Variants in TMED4 observed in about 807,000 individuals in gnomAD.
TMED4 encodes transmembrane emp24 domain-containing protein 4.
Under a neutral mutation model 26.5 loss-of-function variants are expected in TMED4, and 19 were observed. The ratio of observed to expected loss-of-function variants is 0.72; its 90% CI spans 0.50 to 1.05. The LOEUF (loss-of-function observed/expected upper bound fraction) is 1.05, where lower values mean the gene tolerates loss of function less well. Ranked by LOEUF, TMED4 falls within the 50% of genes least tolerant of loss-of-function variation. TMED4 has a pLI of 0.00. For missense variants in TMED4, 303 were observed against 302.5 expected, an observed-to-expected ratio of 1.00 and a Z score of -0.01; for synonymous variants, 121 against 119.8, an observed-to-expected ratio of 1.01 and a Z score of -0.07.
rs917167617 is a variant in TMED4 at position 44,578,065 on chromosome 7, C to G, written c.*1414G>C. 1.1e-4 allele frequency: 16 copies of G among 152,250 alleles called. No homozygotes were observed. The highest frequency in any genetic ancestry group is 3.6e-4 in the African/African-American group (15 of 41,552). The allele number at this position is 152,250 out of a possible 1,614,324, so 9.4% of individuals were successfully genotyped here. A position where few individuals can be genotyped will look rare whatever the true frequency, so the allele number is the denominator to read the frequency against. ...TATGACTGAGAGGGCTAAGAAGGTACTTAATTTCCTCAGATGATACTTTGC... is the reference window on the plus strand; with the variant it reads ...TATGACTGAGAGGGCTAAGAAGGTAGTTAATTTCCTCAGATGATACTTTGC... On this transcript the variant is annotated 3_prime_UTR_variant, in exon 5 of 5. Coordinates refer to ENST00000457408, the MANE Select transcript of TMED4 (RefSeq NM_182547.4).
rs1458137233 is a variant in TMED4 at position 44,581,094 on chromosome 7, C to G, written c.533G>C (p.Arg178Thr). ...EQIQKEQDYQ[R>T]YREERFRLTS... ...AATTACAAGGAGATATGCACTTGCC[C>G]TTTGGTAATCCTGCTCCTTCTGAAT... Residue 178 changes from arginine to threonine, a missense_variant and splice_region_variant, in exon 4 of 5, where the codon AGG becomes ACG. Physicochemically the swap from Arg to Thr is moderately conservative, Grantham distance 71. Transcript: ENST00000457408. The G allele has an allele frequency of 1.2e-6, 2 of 1,614,038 alleles. No homozygotes were observed. Among genetic ancestry groups the G allele is most frequent in the Non-Finnish European group, 1.7e-6 (2 of 1,180,038 alleles).
At chr7:44,580,492 A>G (rs999667843) in intron 4 of TMED4, 3 of 152,494 alleles carry the variant, frequency 2.0e-5, no homozygotes, top group South Asian at 2.0e-4. Context: ...ACAAAACAAA[A>G]TAAGTACAGA....
rs918995792 is a variant in TMED4 at position 44,579,155 on chromosome 7, G to A, written c.*324C>T. On this transcript the variant is annotated 3_prime_UTR_variant, in exon 5 of 5. Coordinates refer to ENST00000457408, the MANE Select transcript of TMED4 (RefSeq NM_182547.4). ...TACTGCGTAAGTGGACAAAGAGAAA[G>A]CAGAAGGTAATGGAGAGAGTTTTCA... 3.3e-4 allele frequency: 71 copies of A among 215,556 alleles called. No individual in the cohort carries two copies. The highest frequency in any genetic ancestry group is 1.6e-3 in the African/African-American group (68 of 43,558). The allele number at this position is 215,556 out of a possible 1,614,324, so 13.4% of individuals were successfully genotyped here.
At chr7:44,579,753 T>C in intron 4 of TMED4, 125 bp from the exon 5 acceptor site, 1 of 997,718 alleles carries the variant, frequency 1.0e-6, no homozygotes, top group South Asian at 1.7e-5. Context: ...TGTGACTCCA[T>C]TAGGAGTGCT....
In TMED4 at chr7:44,582,213, T is replaced by C. The variant is rs1803032295; in HGVS notation, c.-7A>G. 4.5e-6 allele frequency: 7 copies of C among 1,539,962 alleles called. No homozygotes were observed. The East Asian group carries it at 7.3e-5, about 16-fold the overall frequency. On this transcript the variant is annotated 5_prime_UTR_variant, in exon 1 of 5. Transcript: ENST00000457408. ...CAGCCCCGACACCTGCCATCGCGCC[T>C]CAGCCCCTAAGCGCCTGCGCACATT...
Position 44,581,571 on chromosome 7 carries a change from C to A in TMED4, c.265G>T (p.Val89Leu), listed in dbSNP as rs1002023198. 1 of 1,614,070 alleles carries A rather than the reference C, an allele frequency of 6.2e-7. No individual in the cohort carries two copies. The highest frequency in any genetic ancestry group is 1.1e-5 in the South Asian group (1 of 91,094). ...VEVKDPDGKV[V>L]LSRQYGSEGR... Reference sequence around the variant, plus strand: ...TCCGAGCCGTACTGCCGGGACAGCACCACCTGCAACATATGTGAGTGAAGG... The same window carrying A: ...TCCGAGCCGTACTGCCGGGACAGCAACACCTGCAACATATGTGAGTGAAGG... The change falls in exon 3 of 5, where the codon GTG becomes TTG. Residue 89 changes from valine (V) to leucine (L), a missense_variant. Coordinates refer to ENST00000457408, the MANE Select transcript of TMED4 (RefSeq NM_182547.4).
rs1228644690 is a variant in TMED4, at chr7:44,582,210, G to A, written c.-4C>T. On this transcript the variant is annotated 5_prime_UTR_variant, in exon 1 of 5. Coordinates refer to ENST00000457408, the MANE Select transcript of TMED4 (RefSeq NM_182547.4). The stretch of plus-strand genomic sequence containing the variant: ...GCCCAGCCCCGACACCTGCCATCGC[G>A]CCTCAGCCCCTAAGCGCCTGCGCAC... The A allele has an allele frequency of 6.5e-6, 10 of 1,540,368 alleles. No individual in the cohort carries two copies. The highest frequency in any genetic ancestry group is 8.7e-6 in the Non-Finnish European group (10 of 1,145,368).
At position 44,578,908 on chromosome 7, in the gene TMED4, A is replaced by G. The variant is rs1049254491; in HGVS notation, c.*571T>C. 6.6e-6 allele frequency: 1 copy of G among 151,372 alleles called. No individual in the cohort carries two copies. Among genetic ancestry groups the G allele is most frequent in the Non-Finnish European group, 1.5e-5 (1 of 67,876 alleles). The allele number at this position is 151,372 out of a possible 1,614,324, so 9.4% of individuals were successfully genotyped here. A position where few individuals can be genotyped will look rare whatever the true frequency, so the allele number is the denominator to read the frequency against. On this transcript the variant is annotated 3_prime_UTR_variant, in exon 5 of 5. Coordinates refer to ENST00000457408, the MANE Select transcript of TMED4 (RefSeq NM_182547.4). ...AAAGGAAAAACAAAACCCAGAATGC[A>G]GAAACTGCATTGGTATTTTGAGCTA...
chr7:44,579,598 C>T lies in TMED4; in HGVS notation c.565G>A (p.Glu189Lys), dbSNP rs766206194. 1.9e-6 allele frequency: 3 copies of T among 1,614,048 alleles called. No individual in the cohort carries two copies. The highest frequency in any genetic ancestry group is 1.7e-5 in the Admixed American group (1 of 60,018). The change falls in exon 5 of 5, where the codon GAG becomes AAG. Residue 189 changes from glutamate to lysine, a missense_variant. Coordinates refer to ENST00000457408, the MANE Select transcript of TMED4 (RefSeq NM_182547.4). ...CATAGGACCCTCTGGTTGGTGCTCT[C>T]GCTCGTCAGTCGGAAGCGCTCTTCA... Reference protein sequence around the residue: ...YREERFRLTSESTNQRVLWWS... With the variant: ...YREERFRLTSKSTNQRVLWWS...
Position 44,578,008 on chromosome 7 carries a change from A to G in TMED4, c.*1471T>C, listed in dbSNP as rs1802866488. 1 of 152,204 alleles carries G rather than the reference A, an allele frequency of 6.6e-6. No individual in the cohort carries two copies. Among genetic ancestry groups the G allele is most frequent in the Non-Finnish European group, 1.5e-5 (1 of 68,042 alleles). 9.4% of individuals were successfully genotyped at this position (152,204 alleles called of 1,614,324 possible). On this transcript the variant is annotated 3_prime_UTR_variant, in exon 5 of 5. Transcript: ENST00000457408. Reference sequence around the variant, plus strand: ...GGTATTAAGTTTTATATAGAAGGGCATGAGGGAAGTGTATTAAAATTTGTT... The same window carrying G: ...GGTATTAAGTTTTATATAGAAGGGCGTGAGGGAAGTGTATTAAAATTTGTT...
At position 44,579,474 on chromosome 7, in the gene TMED4, G is replaced by A; in HGVS notation, c.*5C>T. On this transcript the variant is annotated 3_prime_UTR_variant, in exon 5 of 5. Transcript: ENST00000457408. ...GTAAAAAGGAAGGGTCATACAAAGAGGGCACTACACCAGCTTCTTGGCCTC... is the reference window on the plus strand; with the variant it reads ...GTAAAAAGGAAGGGTCATACAAAGAAGGCACTACACCAGCTTCTTGGCCTC... 1 of 1,612,298 alleles carries A rather than the reference G, an allele frequency of 6.2e-7. No individual in the cohort carries two copies. The highest frequency in any genetic ancestry group is 1.7e-4 in the Middle Eastern group (1 of 6,044).
Position 44,578,670 on chromosome 7 carries a change from A to G in TMED4, c.*809T>C, listed in dbSNP as rs1456828144. The G allele has an allele frequency of 1.3e-5, 2 of 152,166 alleles. No homozygotes were observed. Among genetic ancestry groups the G allele is most frequent in the African/African-American group, 4.8e-5 (2 of 41,428 alleles). The allele number at this position is 152,166 out of a possible 1,614,324, so 9.4% of individuals were successfully genotyped here. A position where few individuals can be genotyped will look rare whatever the true frequency, so the allele number is the denominator to read the frequency against. On this transcript the variant is annotated 3_prime_UTR_variant, in exon 5 of 5. Transcript: ENST00000457408. ...CAACTGAGGTCAGGAGTCTAAGACC[A>G]GCCTGGCCAACATGGTAAAACCCCA...
At chr7:44,579,730 T>C in intron 4 of TMED4, 102 bp from the exon 5 acceptor site, 1 of 1,284,948 alleles carries the variant, frequency 7.8e-7, no homozygotes, top group South Asian at 1.4e-5. Context: ...CAAACTCCTT[T>C]TGGAATACTA....
Position 44,581,092 on chromosome 7 carries a change from C to T in TMED4, c.534+1G>A. On this transcript the variant is annotated splice_donor_variant, in intron 4 of 4. Transcript: ENST00000457408. LOFTEE classifies it high-confidence loss of function. ...CAAATTACAAGGAGATATGCACTTG[C>T]CCTTTGGTAATCCTGCTCCTTCTGA... 6.2e-7 allele frequency: 1 copy of T among 1,614,136 alleles called. No individual in the cohort carries two copies. The highest frequency in any genetic ancestry group is 8.5e-7 in the Non-Finnish European group (1 of 1,180,006).
chr7:44,579,293 G>A lies in TMED4; in HGVS notation c.*186C>T. 1 of 544,430 alleles carries A rather than the reference G, an allele frequency of 1.8e-6. No individual in the cohort carries two copies. 33.7% of individuals were successfully genotyped at this position (544,430 alleles called of 1,614,324 possible). A position where few individuals can be genotyped will look rare whatever the true frequency, so the allele number is the denominator to read the frequency against. On this transcript the variant is annotated 3_prime_UTR_variant, in exon 5 of 5. Coordinates refer to ENST00000457408, the MANE Select transcript of TMED4 (RefSeq NM_182547.4). ...CCCTAAGACAAGATTTTGAAAGATT[G>A]GACTAATGTCATGTGTCCTTAAGAA...
chr7:44,579,312 T>G lies in TMED4; in HGVS notation c.*167A>C. 1 of 656,212 alleles carries G rather than the reference T, an allele frequency of 1.5e-6. No individual in the cohort carries two copies. Among genetic ancestry groups the G allele is most frequent in the Non-Finnish European group, 2.5e-6 (1 of 403,058 alleles). The allele number at this position is 656,212 out of a possible 1,614,324, so 40.6% of individuals were successfully genotyped here. On this transcript the variant is annotated 3_prime_UTR_variant, in exon 5 of 5. Coordinates refer to ENST00000457408, the MANE Select transcript of TMED4 (RefSeq NM_182547.4). ...AAGATTGGACTAATGTCATGTGTCC[T>G]TAAGAACCAGGGTCAGCAAGTGGCT... is the stretch of plus-strand genomic sequence containing the variant.
chr7:44,581,676 C>T (rs1464984505), intron 2 of TMED4, 47 bp downstream of exon 2: 4 of 1,613,686 alleles, frequency 2.5e-6, no homozygotes, highest in African/African-American at 1.3e-5. Flanking sequence ...TTACACCCCA[C>T]GGGAGCTCCA....
chr7:44,580,589 CTA>C (rs1802954626), intron 4 of TMED4: 1 of 156,472 alleles, frequency 6.4e-6, no homozygotes, highest in African/African-American at 2.4e-5. Context: ...TACCACTGAA[CTA>C]TATAGACAGT....
chr7:44,581,493 G>C lies in TMED4; in HGVS notation c.343C>G (p.His115Asp). The C allele has an allele frequency of 6.2e-7, 1 of 1,614,256 alleles. No homozygotes were observed. The highest frequency in any genetic ancestry group is 8.5e-7 in the Non-Finnish European group (1 of 1,180,046). Reference protein sequence around the residue: ...HTPGDHQICLHSNSTRMALFA... With the variant: ...HTPGDHQICLDSNSTRMALFA... ...AGAGCCATCCTGGTAGAATTGGAGTGCAGACAGATTTGATGGTCACCGGGC... is the reference window on the plus strand; with the variant it reads ...AGAGCCATCCTGGTAGAATTGGAGTCCAGACAGATTTGATGGTCACCGGGC... Residue 115 changes from histidine to aspartate, a missense_variant, in exon 3 of 5, where the codon CAC (histidine) becomes GAC (aspartate). Physicochemically the swap from His to Asp is moderately conservative, Grantham distance 81. Coordinates refer to ENST00000457408, the MANE Select transcript of TMED4 (RefSeq NM_182547.4).
Sources: allele counts gnomAD v4.1 joint callset, GRCh38; gene constraint gnomAD v4.1.1; transcripts MANE v1.5; gene names NCBI Gene and HGNC (gene_info 2026-07-23, HGNC 2026-07-21).